Variants in GAREM1 observed in about 807,000 individuals in gnomAD.
GAREM1 encodes GRB2 associated regulator of MAPK1 subtype 1.
Under a neutral mutation model 71.3 loss-of-function variants are expected in GAREM1, and 26 were observed. That is an observed-to-expected ratio of 0.36 (90% CI 0.27 to 0.51). The LOEUF (loss-of-function observed/expected upper bound fraction) is 0.51. GAREM1 is among the 20% of genes least tolerant of loss of function. GAREM1 has a pLI of 0.95. For synonymous variants in GAREM1, 440 were observed against 433.2 expected (o/e 1.02, Z -0.20); for missense variants, 1,026 against 1,103.1 (o/e 0.93, Z 0.99).
chr18:32,293,349 A>T (rs1278873584), intron 3 of GAREM1, among the ~76,000 whole-genome samples: 2 of 152,170 alleles, frequency 1.3e-5, no homozygotes, highest in African/African-American at 4.8e-5. Flanking sequence ...TCATAAGATG[A>T]TGGGAACATG....
rs140841598 is a variant in GAREM1, at chr18:32,379,011, G to A, written c.262+13884C>T. ...CCTGGCCTCCTGAGGCAGGCTGTACGTTGAGTGCTTAGCTCTCCAACTGGG... is the reference window on the plus strand; with the variant it reads ...CCTGGCCTCCTGAGGCAGGCTGTACATTGAGTGCTTAGCTCTCCAACTGGG... On this transcript the variant is annotated intron_variant, in intron 2 of 5. Transcript: ENST00000269209. Among the ~76,000 whole-genome samples the A allele has an allele frequency of 2.6e-4, 40 of 152,248 alleles. No homozygotes were observed. In the East Asian group the frequency reaches 4.3e-3, roughly 16 times the overall value.
At chr18:32,304,306 CA>C (rs569901138) in intron 3 of GAREM1, among the ~76,000 whole-genome samples, 4 of 140,156 alleles carry the variant, frequency 2.9e-5, no homozygotes, top group Non-Finnish European at 4.7e-5. Flanking sequence ...GACTCTGTCT[CA>C]AAAAAAAATA....
intron 1 of GAREM1, among the ~76,000 whole-genome samples, chr18:32,454,625 A>C (rs907922336): frequency 5.3e-5 from 8 of 152,194 alleles, no homozygotes; most frequent in Non-Finnish European, 1.0e-4. Context: ...AGTAGGACAT[A>C]TTCTCATATT....
At chr18:32,328,186 G>A (rs2047492182) in intron 2 of GAREM1, among the ~76,000 whole-genome samples, 1 of 152,138 alleles carries the variant, frequency 6.6e-6, no homozygotes, top group African/African-American at 2.4e-5. Flanking sequence ...CGAAATCTCT[G>A]TGTTTCCTTG....
In GAREM1 at chr18:32,312,308, G is replaced by A. The variant is rs1281104360; in HGVS notation, c.263-1985C>T. ...TCTAAGGTTTGAGTCCTGGGAGACT[G>A]AGAAGGACCGGCCAGGGGAGTGAGA... On this transcript the variant is annotated intron_variant, in intron 2 of 5. Coordinates refer to ENST00000269209, the MANE Select transcript of GAREM1 (RefSeq NM_001242409.2). 3.3e-5 allele frequency among the ~76,000 whole-genome samples: 5 copies of A among 152,198 alleles called. No individual in the cohort carries two copies. In the South Asian group the frequency reaches 1.0e-3, roughly 32 times the overall value.
chr18:32,273,218 T>C (rs2144423101), intron 4 of GAREM1, among the ~76,000 whole-genome samples: 1 of 152,358 alleles, frequency 6.6e-6, no homozygotes, highest in Admixed American at 6.5e-5. Context: ...TGGTTAATGC[T>C]GGATTCAATT....
chr18:32,391,218 G>A (rs1208034423), intron 2 of GAREM1, among the ~76,000 whole-genome samples: 1 of 152,198 alleles, frequency 6.6e-6, no homozygotes, highest in East Asian at 1.9e-4. Context: ...TGTGTAAATG[G>A]AAAAGTGTCT....
chr18:32,284,747 CCTTA>C (rs147530293), intron 4 of GAREM1, among the ~76,000 whole-genome samples: 12,401 of 150,128 alleles, frequency 0.083, 633 homozygotes, highest in African/African-American at 0.17. Context: ...AGGGGTGCCC[CCTTA>C]CTTTTTTTTT....
intron 1 of GAREM1, among the ~76,000 whole-genome samples, chr18:32,446,870 A>G (rs939966370): frequency 2.6e-5 from 4 of 152,208 alleles, no homozygotes; most frequent in African/African-American, 9.7e-5. Flanking sequence ...ACTCTCTGTG[A>G]GTGCAGAGTG....
chr18:32,467,088 T>C (rs2049006903), intron 1 of GAREM1, among the ~76,000 whole-genome samples: 1 of 152,158 alleles, frequency 6.6e-6, no homozygotes, highest in African/African-American at 2.4e-5. Flanking sequence ...ATTCTAAGGA[T>C]GGCAAATGTC....
intron 2 of GAREM1, among the ~76,000 whole-genome samples, chr18:32,341,999 G>A (rs1259994006): frequency 6.6e-6 from 1 of 151,858 alleles, no homozygotes; most frequent in East Asian, 1.9e-4. Context: ...CACTGATATT[G>A]CAGGCCACCA....
chr18:32,295,496 T>C (rs912892881), intron 3 of GAREM1, among the ~76,000 whole-genome samples: 1 of 152,196 alleles, frequency 6.6e-6, no homozygotes, highest in African/African-American at 2.4e-5. Flanking sequence ...TTCTCTCATG[T>C]TAATAAAAAT....
chr18:32,450,877 T>C (rs939502199), intron 1 of GAREM1, among the ~76,000 whole-genome samples: 2 of 148,140 alleles, frequency 1.4e-5, no homozygotes, highest in Admixed American at 6.6e-5. Flanking sequence ...ATTCTGTCTT[T>C]CCTCAACAGC....
At chr18:32,298,904 C>A (rs2144495561) in intron 3 of GAREM1, among the ~76,000 whole-genome samples, 1 of 152,088 alleles carries the variant, frequency 6.6e-6, no homozygotes. Context: ...AAAATTGCAT[C>A]AAGAGTTAAG....
chr18:32,353,493 A>G (rs1016150629), intron 2 of GAREM1, among the ~76,000 whole-genome samples: 1 of 152,198 alleles, frequency 6.6e-6, no homozygotes, highest in Non-Finnish European at 1.5e-5. Flanking sequence ...TCACACTTTT[A>G]TAAGTCCTCA....
At chr18:32,394,831 G>A (rs78305874) in intron 1 of GAREM1, among the ~76,000 whole-genome samples, 5,256 of 152,224 alleles carry the variant, frequency 0.035, 139 homozygotes, top group East Asian at 0.11. Flanking sequence ...GCGATGTTCC[G>A]CTACCCACCA....
chr18:32,469,282 C>T (rs1338092509), intron 1 of GAREM1, among the ~76,000 whole-genome samples: 1 of 152,164 alleles, frequency 6.6e-6, no homozygotes, highest in Non-Finnish European at 1.5e-5. Context: ...CTCGAAATGA[C>T]ATCTTTCTGC....
chr18:32,373,033 T>A (rs978005510), intron 2 of GAREM1, among the ~76,000 whole-genome samples: 1 of 152,162 alleles, frequency 6.6e-6, no homozygotes, highest in African/African-American at 2.4e-5. Context: ...AGGAACATGT[T>A]TGACAATGCT....
At chr18:32,326,737 C>T (rs569306928) in intron 2 of GAREM1, among the ~76,000 whole-genome samples, 160 of 152,306 alleles carry the variant, frequency 1.1e-3, no homozygotes, top group South Asian at 3.7e-3. Flanking sequence ...TCCCATCTCC[C>T]AATACTTCAT....
Sources: allele counts gnomAD v4.1 joint callset (sites outside exome capture counted in the v4.1 genomes callset), GRCh38; gene constraint gnomAD v4.1.1; transcripts MANE v1.5; gene names NCBI Gene and HGNC (gene_info 2026-07-23, HGNC 2026-07-21).